Variants in TBC1D8 observed in about 807,000 individuals in gnomAD.
TBC1D8 encodes the protein BUB2-like protein 1.
In TBC1D8, 65 loss-of-function variants were observed where a neutral mutation model predicts 118.8. The ratio of observed to expected loss-of-function variants is 0.55; its 90% confidence interval spans 0.45 to 0.67. The LOEUF (loss-of-function observed/expected upper bound fraction) is 0.67, where lower values mean the gene tolerates loss of function less well. Among genes scored for constraint, TBC1D8 ranks in the 30% least tolerant of loss-of-function variants. The pLI is 0.00. For missense variants in TBC1D8, 1,376 were observed against 1,471.2 expected, an observed-to-expected ratio of 0.94 and a Z score of 1.06; for synonymous variants, 566 against 595.8, an observed-to-expected ratio of 0.95 and a Z score of 0.73.
chr2:101,140,242 C>T (rs1679040847), intron 1 of TBC1D8, among the ~76,000 whole-genome samples: 1 of 152,116 alleles, frequency 6.6e-6, no homozygotes, highest in Admixed American at 6.6e-5. Context: ...AACCTATTTC[C>T]TCTACTGAGA....
At chr2:101,037,056 CTT>C (rs1413572256) in intron 8 of TBC1D8, among the ~76,000 whole-genome samples, 1 of 152,228 alleles carries the variant, frequency 6.6e-6, no homozygotes, top group Non-Finnish European at 1.5e-5. Flanking sequence ...CTTCCAGTAT[CTT>C]TACCAGACTA....
chr2:101,138,806 C>T (rs1466893033), intron 1 of TBC1D8, among the ~76,000 whole-genome samples: 10 of 152,110 alleles, frequency 6.6e-5, no homozygotes, highest in Non-Finnish European at 1.2e-4. Context: ...GGTGGCTTCA[C>T]CACCACCACC....
At chr2:101,066,101 G>A (rs993024062) in intron 2 of TBC1D8, among the ~76,000 whole-genome samples, 16 of 152,098 alleles carry the variant, frequency 1.1e-4, no homozygotes, top group Non-Finnish European at 2.1e-4. Context: ...CCAACATGGT[G>A]AAACCCGGTC....
intron 17 of TBC1D8, among the ~76,000 whole-genome samples, chr2:101,020,395 T>G (rs948859877): frequency 6.6e-6 from 1 of 152,088 alleles, no homozygotes; most frequent in African/African-American, 2.4e-5. Flanking sequence ...TAGAAAAACA[T>G]TTGTGAAAAA....
chr2:101,116,731 C>G (rs1485021330), intron 1 of TBC1D8, among the ~76,000 whole-genome samples: 1 of 151,846 alleles, frequency 6.6e-6, no homozygotes, highest in East Asian at 1.9e-4. Context: ...GCTTCTGCCT[C>G]CTGGGCTCAA....
intron 1 of TBC1D8, among the ~76,000 whole-genome samples, chr2:101,115,818 C>A (rs1436858652): frequency 6.6e-6 from 1 of 152,066 alleles, no homozygotes; most frequent in Non-Finnish European, 1.5e-5. Flanking sequence ...AATGCTCTGG[C>A]AGTGGTAGTG....
In TBC1D8 at chr2:101,032,278, G is replaced by A; in HGVS notation, c.1926C>T (p.His642=). ...AGGGGGTCTGTTTACCGATCACTCG[G>A]TGGTTGAAGTAATCGGGCAGCATCC... is the stretch of plus-strand genomic sequence containing the variant. The part of the protein sequence containing the change: ...CERMLPDYFN[H]RVIGAQVDQS... Residue 642 remains histidine (H), a synonymous_variant, in exon 11 of 20, where the codon CAC becomes CAT. Transcript: ENST00000409318. 1 of 1,613,806 alleles carries A rather than the reference G, an allele frequency of 6.2e-7. No homozygotes were observed. Among genetic ancestry groups the A allele is most frequent in the Middle Eastern group, 1.6e-4 (1 of 6,062 alleles).
chr2:101,032,267 C>T lies in TBC1D8; in HGVS notation c.1936+1G>A, dbSNP rs1352792634. 3.7e-6 allele frequency: 6 copies of T among 1,613,514 alleles called. No individual in the cohort carries two copies. Among genetic ancestry groups the T allele is most frequent in the Non-Finnish European group, 4.2e-6 (5 of 1,179,554 alleles). Reference sequence around the variant, plus strand: ...CAGGAGGAGGAAGGGGGTCTGTTTACCGATCACTCGGTGGTTGAAGTAATC... The same window carrying T: ...CAGGAGGAGGAAGGGGGTCTGTTTATCGATCACTCGGTGGTTGAAGTAATC... On this transcript the variant is annotated splice_donor_variant, in intron 11 of 19. Transcript: ENST00000409318. LOFTEE classifies it high-confidence loss of function.
At chr2:101,120,194 CCCACAACACA>C in intron 1 of TBC1D8, among the ~76,000 whole-genome samples, 1 of 152,306 alleles carries the variant, frequency 6.6e-6, no homozygotes, top group Non-Finnish European at 1.5e-5. Context: ...TCACATCTTG[CCCACAACACA>C]CTGGAGAGTC....
At chr2:101,138,392 A>G (rs1370233962) in intron 1 of TBC1D8, among the ~76,000 whole-genome samples, 1 of 152,232 alleles carries the variant, frequency 6.6e-6, no homozygotes, top group African/African-American at 2.4e-5. Flanking sequence ...AACTCTCCAG[A>G]TGCCACCTGG....
chr2:101,022,727 T>G (rs1041549126), intron 15 of TBC1D8, among the ~76,000 whole-genome samples: 1 of 152,242 alleles, frequency 6.6e-6, no homozygotes, highest in African/African-American at 2.4e-5. Context: ...TTCTTTCTCA[T>G]TGTGGTAAAA....
At chr2:101,026,160 T>G (rs1680324951) in intron 15 of TBC1D8, among the ~76,000 whole-genome samples, 1 of 152,186 alleles carries the variant, frequency 6.6e-6, no homozygotes, top group South Asian at 2.1e-4. Context: ...ATGCGATAGT[T>G]CCTATTCTCT....
chr2:101,149,769 G>A (rs1195247233), intron 1 of TBC1D8, among the ~76,000 whole-genome samples: 2 of 152,118 alleles, frequency 1.3e-5, no homozygotes, highest in Admixed American at 1.3e-4. Flanking sequence ...GGTGCGTCAC[G>A]GGGCCCAACA....
At chr2:101,107,305 A>G (rs192262565) in intron 1 of TBC1D8, among the ~76,000 whole-genome samples, 1 of 152,310 alleles carries the variant, frequency 6.6e-6, no homozygotes, top group Admixed American at 6.5e-5. Context: ...AGATACCCCA[A>G]TCGCTGGTAA....
intron 1 of TBC1D8, among the ~76,000 whole-genome samples, chr2:101,095,565 C>T (rs1314846460): frequency 1.3e-5 from 2 of 151,984 alleles, no homozygotes; most frequent in African/African-American, 4.8e-5. Context: ...ATCCATGTCC[C>T]TACAAAGGAC....
chr2:101,070,234 C>T (rs1683238073), intron 2 of TBC1D8, among the ~76,000 whole-genome samples: 1 of 151,446 alleles, frequency 6.6e-6, no homozygotes, highest in African/African-American at 2.4e-5. Context: ...TTATTAAAAA[C>T]CTGAATTTGA....
At chr2:101,117,569 T>A (rs998369309) in intron 1 of TBC1D8, among the ~76,000 whole-genome samples, 3 of 59,474 alleles carry the variant, frequency 5.0e-5, no homozygotes, top group African/African-American at 2.1e-4. Flanking sequence ...GAGGCAGAAC[T>A]TTTTTTTTTT....
intron 1 of TBC1D8, among the ~76,000 whole-genome samples, chr2:101,096,622 C>T (rs1270165094): frequency 2.0e-5 from 3 of 151,792 alleles, no homozygotes; most frequent in African/African-American, 7.3e-5. Flanking sequence ...GAGATGGAAA[C>T]TCTGAGGAAG....
chr2:101,043,895 G>A (rs1039273787), intron 5 of TBC1D8, among the ~76,000 whole-genome samples: 3 of 152,072 alleles, frequency 2.0e-5, no homozygotes, highest in Admixed American at 6.6e-5. Flanking sequence ...AGCTGAGATC[G>A]TGCCATTGCA....
Sources: allele counts gnomAD v4.1 joint callset (sites outside exome capture counted in the v4.1 genomes callset), GRCh38; gene constraint gnomAD v4.1.1; transcripts MANE v1.5; gene names NCBI Gene and HGNC (gene_info 2026-07-23, HGNC 2026-07-21).